The following NLN variants were observed in gnomAD, a reference collection of about 807,000 sequenced individuals.
The protein encoded by NLN is neurolysin, also known as neurolysin, mitochondrial.
NLN carries 64 observed loss-of-function variants against 79.9 expected under a neutral mutation model. The observed-to-expected ratio is 0.80, with a 90% CI of 0.65 to 0.99. The LOEUF is 0.99. NLN is among the 50% of genes least tolerant of loss of function. NLN has a pLI of 0.00. For missense variants in NLN, 835 were observed against 858.7 expected (o/e 0.97, Z 0.34); for synonymous variants, 267 against 296.6 (o/e 0.90, Z 1.02).
chr5:65,724,537 C>T (rs1393683004), intron 1 of NLN, among the ~76,000 whole-genome samples: 1 of 152,148 alleles, frequency 6.6e-6, no homozygotes, highest in Non-Finnish European at 1.5e-5. Context: ...AATACTACTA[C>T]TATGATCATT....
intron 12 of NLN, among the ~76,000 whole-genome samples, chr5:65,820,666 T>C (rs1488696515): frequency 6.6e-6 from 1 of 152,144 alleles, no homozygotes; most frequent in East Asian, 1.9e-4. Context: ...AGATTCTAGA[T>C]TGCTGCTGTA....
intron 3 of NLN, among the ~76,000 whole-genome samples, chr5:65,767,263 C>G (rs1759472133): frequency 6.6e-6 from 1 of 152,224 alleles, no homozygotes; most frequent in African/African-American, 2.4e-5. Flanking sequence ...CATTTCCATA[C>G]ATCCTCTGAA....
chr5:65,812,495 T>G (rs918283839), intron 12 of NLN, 104 bp downstream of exon 12: 1 of 753,690 alleles, frequency 1.3e-6, no homozygotes, highest in Non-Finnish European at 2.2e-6. Flanking sequence ...GTAAGAGGCT[T>G]GGTAACAGCT....
At chr5:65,768,612 G>C (rs1759503825) in intron 3 of NLN, among the ~76,000 whole-genome samples, 1 of 152,232 alleles carries the variant, frequency 6.6e-6, no homozygotes, top group Non-Finnish European at 1.5e-5. Flanking sequence ...TTAAATGACA[G>C]AAATTAACTT....
At chr5:65,733,512 G>A (rs1758658460) in intron 1 of NLN, 2 of 1,417,682 alleles carry the variant, frequency 1.4e-6, no homozygotes, top group South Asian at 1.2e-5. Context: ...TGCCAATTGG[G>A]AGATCCTTGC....
chr5:65,790,358 T>C (rs1760028344), intron 8 of NLN, among the ~76,000 whole-genome samples: 1 of 152,208 alleles, frequency 6.6e-6, no homozygotes, highest in Non-Finnish European at 1.5e-5. Context: ...CACAGTGCTG[T>C]AAAGAACTGA....
intron 1 of NLN, among the ~76,000 whole-genome samples, chr5:65,731,686 C>T (rs1483991770): frequency 6.7e-6 from 1 of 150,288 alleles, no homozygotes; most frequent in Non-Finnish European, 1.5e-5. Context: ...TGGTCTCATT[C>T]CTAGAAAGTC....
intron 6 of NLN, among the ~76,000 whole-genome samples, chr5:65,783,294 A>AT (rs958541893): frequency 4.6e-5 from 7 of 151,860 alleles, no homozygotes; most frequent in South Asian, 2.1e-4. Flanking sequence ...TTTTACCACA[A>AT]TTTTTTTTTA....
chr5:65,792,729 C>G (rs1249851560), intron 9 of NLN, 74 bp downstream of exon 9: 5 of 1,221,720 alleles, frequency 4.1e-6, no homozygotes, highest in Non-Finnish European at 6.1e-6. Flanking sequence ...TGTCAGGTTT[C>G]TGCTCCTAAC....
intron 1 of NLN, among the ~76,000 whole-genome samples, chr5:65,739,740 G>T (rs552015337): frequency 7.2e-5 from 11 of 152,020 alleles, no homozygotes; most frequent in Non-Finnish European, 1.6e-4. Context: ...GTTTTAATTT[G>T]CATTTCCCTA....
chr5:65,792,233 A>G (rs1048813554), intron 8 of NLN, among the ~76,000 whole-genome samples: 1 of 152,226 alleles, frequency 6.6e-6, no homozygotes, highest in African/African-American at 2.4e-5. Flanking sequence ...AGATTTTTCA[A>G]TAAAAGAAAC....
intron 1 of NLN, among the ~76,000 whole-genome samples, chr5:65,731,777 G>T (rs1172716724): frequency 8.5e-6 from 1 of 117,882 alleles, no homozygotes; most frequent in Non-Finnish European, 1.6e-5. Context: ...TTCAGACAGA[G>T]TCTAGCTCTG....
At chr5:65,768,463 T>G (rs1759501046) in intron 3 of NLN, among the ~76,000 whole-genome samples, 1 of 152,176 alleles carries the variant, frequency 6.6e-6, no homozygotes, top group African/African-American at 2.4e-5. Flanking sequence ...AATCACCTCC[T>G]ACCATGTCCC....
chr5:65,756,017 G>T (rs973730630), intron 1 of NLN, among the ~76,000 whole-genome samples: 1 of 152,038 alleles, frequency 6.6e-6, no homozygotes, highest in Non-Finnish European at 1.5e-5. Flanking sequence ...CACTGGTTTT[G>T]CCAGAGTCAT....
At chr5:65,798,157 A>T (rs924735727) in intron 9 of NLN, among the ~76,000 whole-genome samples, 4 of 152,230 alleles carry the variant, frequency 2.6e-5, no homozygotes, top group African/African-American at 9.6e-5. Context: ...CTTACTGAAC[A>T]TGTACCAGGT....
Position 65,747,693 on chromosome 5 carries a change from A to G in NLN, c.42-10874A>G, listed in dbSNP as rs545342990. Among the ~76,000 whole-genome samples, 4 of 152,272 alleles carry G rather than the reference A, an allele frequency of 2.6e-5. No individual in the cohort carries two copies. In the South Asian group the frequency reaches 8.3e-4, roughly 32 times the overall value. ...CTTAATGGCCACACCTCAGTGCAAGATATGTACAAACCAATGGTGCAGTTC... is the reference window on the plus strand; with the variant it reads ...CTTAATGGCCACACCTCAGTGCAAGGTATGTACAAACCAATGGTGCAGTTC... On this transcript the variant is annotated intron_variant, in intron 1 of 12. Transcript: ENST00000380985.
intron 12 of NLN, among the ~76,000 whole-genome samples, chr5:65,821,398 T>C (rs573259545): frequency 1.3e-5 from 2 of 152,192 alleles, no homozygotes; most frequent in Admixed American, 6.5e-5. Context: ...AAGAACTGAA[T>C]TGAGATGTAC....
At chr5:65,723,380 G>C (rs974586769) in intron 1 of NLN, among the ~76,000 whole-genome samples, 1 of 152,172 alleles carries the variant, frequency 6.6e-6, no homozygotes, top group Non-Finnish European at 1.5e-5. Flanking sequence ...GAGTTAATGT[G>C]GTGATTGGTG....
At chr5:65,808,429 A>G (rs1024769678) in intron 9 of NLN, among the ~76,000 whole-genome samples, 2 of 152,174 alleles carry the variant, frequency 1.3e-5, no homozygotes, top group African/African-American at 4.8e-5. Flanking sequence ...GAGGAGAAAA[A>G]CAGGACAGAG....
Sources: allele counts gnomAD v4.1 joint callset (sites outside exome capture counted in the v4.1 genomes callset), GRCh38; gene constraint gnomAD v4.1.1; transcripts MANE v1.5; gene names NCBI Gene and HGNC (gene_info 2026-07-23, HGNC 2026-07-21).